Variants in DLC1 observed in about 807,000 individuals in gnomAD.
DLC1 encodes DLC1 Rho GTPase activating protein, also known as rho GTPase-activating protein 7.
In DLC1, 54 loss-of-function variants were observed where a neutral mutation model predicts 140.3. The ratio of observed to expected loss-of-function variants is 0.38; its 90% CI spans 0.31 to 0.48. The LOEUF (loss-of-function observed/expected upper bound fraction) is 0.48. DLC1 is among the 20% of genes least tolerant of loss of function. The pLI, the probability that DLC1 is intolerant of heterozygous loss-of-function variation, is 0.96. For missense variants in DLC1, 2,536 were observed against 1,907.0 expected, an observed-to-expected ratio of 1.33 and a Z score of -6.14; for synonymous variants, 986 against 728.1, an observed-to-expected ratio of 1.35 and a Z score of -5.70.
chr8:13,270,392 A>C (rs1193465226), intron 5 of DLC1, among the ~76,000 whole-genome samples: 1 of 152,210 alleles, frequency 6.6e-6, no homozygotes, highest in Non-Finnish European at 1.5e-5. Context: ...GGCAGCCTTG[A>C]CATTTAGCAT....
chr8:13,511,669 C>T (rs1351056919), intron 1 of DLC1, among the ~76,000 whole-genome samples: 2 of 151,652 alleles, frequency 1.3e-5, no homozygotes, highest in African/African-American at 4.8e-5. Flanking sequence ...ACACTACTTC[C>T]CTCAAATTTG....
intron 1 of DLC1, among the ~76,000 whole-genome samples, chr8:13,504,225 C>G (rs913117322): frequency 1.3e-5 from 2 of 149,348 alleles, no homozygotes; most frequent in Non-Finnish European, 3.0e-5. Context: ...CTCCTGGGTT[C>G]AAGTGATTCT....
At chr8:13,176,367 A>T (rs577686497) in intron 5 of DLC1, among the ~76,000 whole-genome samples, 2 of 152,202 alleles carry the variant, frequency 1.3e-5, no homozygotes, top group Non-Finnish European at 2.9e-5. Flanking sequence ...TCACAAGGTC[A>T]GGAGATCGAG....
chr8:13,379,628 A>G (rs1336595427), intron 4 of DLC1, among the ~76,000 whole-genome samples: 1 of 152,214 alleles, frequency 6.6e-6, no homozygotes, highest in African/African-American at 2.4e-5. Flanking sequence ...CTTATTGCTG[A>G]AATCCATCCT....
intron 4 of DLC1, among the ~76,000 whole-genome samples, chr8:13,358,794 T>C (rs1402023089): frequency 2.0e-5 from 3 of 152,180 alleles, no homozygotes; most frequent in Non-Finnish European, 4.4e-5. Context: ...CCATTTTCTT[T>C]ACTTTCTCTT....
chr8:13,293,657 A>G (rs1368412943), intron 5 of DLC1, among the ~76,000 whole-genome samples: 1 of 152,220 alleles, frequency 6.6e-6, no homozygotes, highest in Non-Finnish European at 1.5e-5. Flanking sequence ...TATAGCATAA[A>G]ATTCAAGAAC....
chr8:13,184,341 C>G lies in DLC1; in HGVS notation c.1349-68684G>C, dbSNP rs564467739. Among the ~76,000 whole-genome samples, 3 of 152,208 alleles carry G rather than the reference C, an allele frequency of 2.0e-5. No homozygotes were observed. In the South Asian group the frequency reaches 6.2e-4, roughly 32 times the overall value. On this transcript the variant is annotated intron_variant, in intron 5 of 17. Coordinates refer to ENST00000276297, the MANE Select transcript of DLC1 (RefSeq NM_182643.3). Reference sequence around the variant, plus strand: ...TTAGTTATTTCTTGCTTTCTGCTAGCTTTTGAATGTGTTTGCTCTTGCTTC... The same window carrying G: ...TTAGTTATTTCTTGCTTTCTGCTAGGTTTTGAATGTGTTTGCTCTTGCTTC...
At chr8:13,342,892 C>A (rs1834141439) in intron 4 of DLC1, 1 of 151,356 alleles carries the variant, frequency 6.6e-6, no homozygotes, top group Non-Finnish European at 1.5e-5. Context: ...TTTTGTTTCT[C>A]TGGAGAATCC....
chr8:13,295,545 G>A (rs1022425734), intron 5 of DLC1, among the ~76,000 whole-genome samples: 3 of 152,122 alleles, frequency 2.0e-5, no homozygotes, highest in African/African-American at 4.8e-5. Context: ...ACTCTTTAAG[G>A]TTTCCTACTT....
intron 5 of DLC1, among the ~76,000 whole-genome samples, chr8:13,123,115 C>A (rs1821242409): frequency 6.6e-6 from 1 of 152,168 alleles, no homozygotes. Context: ...CACTTAGAAA[C>A]GAACTGGTTT....
chr8:13,286,035 A>G (rs1375487110), intron 5 of DLC1, among the ~76,000 whole-genome samples: 2 of 152,208 alleles, frequency 1.3e-5, no homozygotes, highest in African/African-American at 4.8e-5. Flanking sequence ...CAGTGTTATT[A>G]TCTGTAATAA....
At position 13,397,211 on chromosome 8, in the gene DLC1, C is replaced by T. The variant is rs184936450; in HGVS notation, c.1174-3518G>A. On this transcript the variant is annotated intron_variant, in intron 3 of 17. Transcript: ENST00000276297. ...AAGAAAAGGTCTCACTGCTGACCCT[C>T]AATATAGAGAAGGGAATGGAAGCTG... Among the ~76,000 whole-genome samples the T allele has an allele frequency of 8.5e-5, 13 of 152,160 alleles. No homozygotes were observed. In the East Asian group the frequency reaches 2.5e-3, roughly 29 times the overall value.
chr8:13,221,162 A>G (rs369526932), intron 5 of DLC1, among the ~76,000 whole-genome samples: 5 of 152,286 alleles, frequency 3.3e-5, no homozygotes, highest in East Asian at 1.9e-4. Flanking sequence ...AGTTCTCCCT[A>G]CAAACAAAAC....
intron 2 of DLC1, among the ~76,000 whole-genome samples, chr8:13,436,943 GGAA>G (rs1839146396): frequency 6.6e-6 from 1 of 152,018 alleles, no homozygotes; most frequent in Admixed American, 6.5e-5. Flanking sequence ...GTTTCTAAGA[GGAA>G]TGGGAAAAAA....
At chr8:13,590,547 A>T (rs1805483921) in intron 1 of DLC1, among the ~76,000 whole-genome samples, 1 of 152,040 alleles carries the variant, frequency 6.6e-6, no homozygotes, top group Admixed American at 6.6e-5. Context: ...AAAATCCCTC[A>T]TAATATGCTT....
chr8:13,165,916 A>C (rs942941477), intron 5 of DLC1, among the ~76,000 whole-genome samples: 1 of 152,100 alleles, frequency 6.6e-6, no homozygotes, highest in Non-Finnish European at 1.5e-5. Context: ...CAGATCTGGG[A>C]AAGTGTTTAA....
intron 4 of DLC1, among the ~76,000 whole-genome samples, chr8:13,385,392 C>A (rs1001513483): frequency 6.6e-6 from 1 of 152,048 alleles, no homozygotes; most frequent in Non-Finnish European, 1.5e-5. Context: ...TGGATTATAC[C>A]AGCTGGCTAA....
chr8:13,383,342 C>T (rs1035143810), intron 4 of DLC1, among the ~76,000 whole-genome samples: 1 of 152,136 alleles, frequency 6.6e-6, no homozygotes, highest in African/African-American at 2.4e-5. Flanking sequence ...TGCCATACCA[C>T]TGTATGTTGG....
intron 2 of DLC1, among the ~76,000 whole-genome samples, chr8:13,427,826 C>T (rs886354259): frequency 6.6e-6 from 1 of 152,154 alleles, no homozygotes; most frequent in Non-Finnish European, 1.5e-5. Flanking sequence ...CAATTTCTGC[C>T]TCATTTCTTT....
Sources: allele counts gnomAD v4.1 joint callset (sites outside exome capture counted in the v4.1 genomes callset), GRCh38; gene constraint gnomAD v4.1.1; transcripts MANE v1.5; gene names NCBI Gene and HGNC (gene_info 2026-07-23, HGNC 2026-07-21).